Variants in ZNF892 observed in about 807,000 individuals in gnomAD.
ZNF892 encodes zinc finger protein 892, also known as zinc finger protein 570-like.
the ZNF892 span, among the ~76,000 whole-genome samples, chr2:95,228,879 T>G: frequency 6.6e-6 from 1 of 152,168 alleles, no homozygotes; most frequent in Admixed American, 6.5e-5. Context: ...CTATTCAAAG[T>G]TACCCCTCTG....
the ZNF892 span, among the ~76,000 whole-genome samples, chr2:95,250,874 A>C: frequency 2.0e-5 from 3 of 147,252 alleles, no homozygotes; most frequent in East Asian, 5.9e-4. Context: ...TAATAAATAA[A>C]TATTACATAT....
chr2:95,241,387 G>A, the ZNF892 span, among the ~76,000 whole-genome samples: 6 of 152,198 alleles, frequency 3.9e-5, no homozygotes, highest in Admixed American at 2.6e-4. Flanking sequence ...CCAGCAAACC[G>A]CAGCAGCCCT....
the ZNF892 span, among the ~76,000 whole-genome samples, chr2:95,210,071 A>ATATATACG: frequency 1.3e-5 from 2 of 151,176 alleles, no homozygotes; most frequent in South Asian, 2.1e-4. Flanking sequence ...TTCGATTCAT[A>ATATATACG]TATATATGTA....
the ZNF892 span, among the ~76,000 whole-genome samples, chr2:95,243,244 G>A: frequency 2.6e-5 from 4 of 152,160 alleles, no homozygotes; most frequent in Admixed American, 2.6e-4. Context: ...CCAAAGTGCC[G>A]AGATTGTAGC....
At chr2:95,214,350 C>T in the ZNF892 span, 1 of 398,268 alleles carries the variant, frequency 2.5e-6, no homozygotes, top group Non-Finnish European at 4.4e-6. Context: ...GGAAACAATA[C>T]CAGAAAGCAA....
chr2:95,243,044 G>A, the ZNF892 span, among the ~76,000 whole-genome samples: 1 of 152,232 alleles, frequency 6.6e-6, no homozygotes. Context: ...TGGAGACGGG[G>A]TTTCGATGTG....
At chr2:95,217,346 A>T in the ZNF892 span, among the ~76,000 whole-genome samples, 2 of 152,040 alleles carry the variant, frequency 1.3e-5, no homozygotes, top group Non-Finnish European at 2.9e-5. Context: ...AGTCCATAAG[A>T]TTCCACCCCA....
the ZNF892 span, among the ~76,000 whole-genome samples, chr2:95,223,432 C>G: frequency 6.6e-6 from 1 of 152,042 alleles, no homozygotes; most frequent in Admixed American, 6.6e-5. Flanking sequence ...GTCTCACTCT[C>G]TCACCCAGGC....
chr2:95,233,939 C>G, the ZNF892 span, among the ~76,000 whole-genome samples: 8 of 152,228 alleles, frequency 5.3e-5, no homozygotes, highest in African/African-American at 9.6e-5. Context: ...CTTGGCCTCC[C>G]AAAGTGCTGG....
the ZNF892 span, among the ~76,000 whole-genome samples, chr2:95,231,460 G>T: frequency 1.3e-3 from 198 of 152,304 alleles, no homozygotes; most frequent in African/African-American, 4.7e-3. Context: ...TGATTGGGGT[G>T]TGCATACAAC....
the ZNF892 span, among the ~76,000 whole-genome samples, chr2:95,215,911 G>A: frequency 6.6e-6 from 1 of 152,174 alleles, no homozygotes; most frequent in African/African-American, 2.4e-5. Flanking sequence ...CATCTTGACT[G>A]TGCCAGGTAT....
chr2:95,207,056 T>C, the ZNF892 span, among the ~76,000 whole-genome samples: 1 of 152,236 alleles, frequency 6.6e-6, no homozygotes, highest in Non-Finnish European at 1.5e-5. Context: ...GATTTCGGGA[T>C]TGAAATTCCA....
At chr2:95,260,651 T>C in the ZNF892 span, among the ~76,000 whole-genome samples, 1 of 152,106 alleles carries the variant, frequency 6.6e-6, no homozygotes, top group African/African-American at 2.4e-5. Flanking sequence ...GTTCTCATCC[T>C]CTCTCCCTCT....
the ZNF892 span, among the ~76,000 whole-genome samples, chr2:95,248,887 C>G: frequency 2.0e-5 from 3 of 152,072 alleles, no homozygotes; most frequent in African/African-American, 7.2e-5. Flanking sequence ...CTAATGGAAA[C>G]ATGCCCTTCA....
At chr2:95,256,876 G>A in the ZNF892 span, among the ~76,000 whole-genome samples, 2 of 152,116 alleles carry the variant, frequency 1.3e-5, no homozygotes, top group East Asian at 1.9e-4. Context: ...GGCTACTGAG[G>A]CTTGTGCATT....
the ZNF892 span, among the ~76,000 whole-genome samples, chr2:95,209,304 G>T: frequency 9.9e-5 from 15 of 152,182 alleles, no homozygotes; most frequent in Non-Finnish European, 2.1e-4. Flanking sequence ...GGTCTTCCGA[G>T]GATGTGTGGA....
At chr2:95,253,448 T>C in the ZNF892 span, among the ~76,000 whole-genome samples, 1 of 152,242 alleles carries the variant, frequency 6.6e-6, no homozygotes, top group South Asian at 2.1e-4. Flanking sequence ...TCTATATATC[T>C]GTTTTGGTAC....
At chr2:95,207,693 C>T in the ZNF892 span, 1 of 397,422 alleles carries the variant, frequency 2.5e-6, no homozygotes, top group East Asian at 3.6e-5. Context: ...GGAGGACCCC[C>T]GGGTGGGGGC....
chr2:95,250,156 T>C, the ZNF892 span, among the ~76,000 whole-genome samples: 2 of 152,130 alleles, frequency 1.3e-5, no homozygotes, highest in African/African-American at 4.8e-5. Context: ...TTTTCTTCGT[T>C]TTTCTTTTTA....
Sources: gnomAD v4.1 joint callset for allele counts (sites outside exome capture counted in the v4.1 genomes callset) on GRCh38, gnomAD v4.1.1 for gene constraint, MANE v1.5 for transcripts, NCBI Gene and HGNC (gene_info 2026-07-23, HGNC 2026-07-21) for gene names.